NMRK2: variants seen among roughly 807,000 people sequenced by gnomAD.
NMRK2 encodes NRK 2.
Under a neutral mutation model 24.7 loss-of-function variants are expected in NMRK2, and 34 were observed. The observed-to-expected ratio is 1.37, with a 90% CI of 1.05 to 1.83. The LOEUF is 1.83. Among genes scored for constraint, NMRK2 ranks in the 40% most tolerant of loss-of-function variants. NMRK2 has a pLI of 0.00. For missense variants in NMRK2, 341 were observed against 315.0 expected, an observed-to-expected ratio of 1.08 and a Z score of -0.62; for synonymous variants, 145 against 125.6, an observed-to-expected ratio of 1.15 and a Z score of -1.03.
chr19:3,941,615 G>A (rs755486653), intron 7 of NMRK2, among the ~76,000 whole-genome samples: 10 of 151,484 alleles, frequency 6.6e-5, no homozygotes, highest in Admixed American at 2.0e-4. Context: ...ACATTCCTCC[G>A]TGAGCCTCGC....
In NMRK2 at chr19:3,933,539, C is replaced by G; in HGVS notation, c.-133C>G. On this transcript the variant is annotated 5_prime_UTR_variant, in exon 2 of 8. Coordinates refer to ENST00000168977, the MANE Select transcript of NMRK2 (RefSeq NM_170678.3). ...CCAGGGGCCGCCTCCCCCGGGGCGG[C>G]CTCCAGGCTGCCGAGACCTATAAAG... 1 of 1,064,340 alleles carries G rather than the reference C, an allele frequency of 9.4e-7. No homozygotes were observed. Among genetic ancestry groups the G allele is most frequent in the Non-Finnish European group, 1.3e-6 (1 of 773,246 alleles). 65.9% of individuals were successfully genotyped at this position (1,064,340 alleles called of 1,614,324 possible). A position where few individuals can be genotyped will look rare whatever the true frequency, so the allele number is the denominator to read the frequency against.
intron 4 of NMRK2, among the ~76,000 whole-genome samples, chr19:3,938,236 T>C (rs1488921747): frequency 8.7e-6 from 1 of 115,522 alleles, no homozygotes. Flanking sequence ...CCCCGTCCAC[T>C]GTCCCCCCGG....
chr19:3,933,739 G>GC (rs1172095122), intron 2 of NMRK2, 42 bp downstream of exon 2: 1 of 1,385,514 alleles, frequency 7.2e-7, no homozygotes, highest in Non-Finnish European at 9.3e-7. Context: ...GCGGGGCAAA[G>GC]CCCCCTGTGC....
At chr19:3,934,328 C>T (rs1457170623) in intron 2 of NMRK2, among the ~76,000 whole-genome samples, 2 of 152,042 alleles carry the variant, frequency 1.3e-5, no homozygotes, top group Admixed American at 6.6e-5. Context: ...CTGGCTAAAT[C>T]GGGGACTGAC....
intron 2 of NMRK2, among the ~76,000 whole-genome samples, 188 bp downstream of exon 2, chr19:3,933,885 G>A (rs985841730): frequency 6.6e-6 from 1 of 152,108 alleles, no homozygotes; most frequent in Non-Finnish European, 1.5e-5. Flanking sequence ...AGGGGGGCTG[G>A]ACACTGAGCC....
Position 3,938,710 on chromosome 19 carries a change from TC to T in NMRK2, c.275del (p.Ser92TrpfsTer29). The T allele has an allele frequency of 6.2e-7, 1 of 1,612,042 alleles. No individual in the cohort carries two copies. The highest frequency in any genetic ancestry group is 1.1e-5 in the South Asian group (1 of 90,896). On this transcript the variant is annotated frameshift_variant, in exon 5 of 8. Coordinates refer to ENST00000168977, the MANE Select transcript of NMRK2 (RefSeq NM_170678.3). LOFTEE classifies it high-confidence loss of function. Reference sequence around the variant, plus strand: ...CGGGGTCAGCGTCCAGCCAGAGGCCTCGGACACCCACATCCTCCTCCTGGAA... The same window carrying T: ...CGGGGTCAGCGTCCAGCCAGAGGCCTGGACACCCACATCCTCCTCCTGGAA... Reference protein sequence around the residue: ...AHGVSVQPEASDTHILLLEGF... With the variant: ...AHGVSVQPEAXDTHILLLEGF...
At chr19:3,940,170 A>T (rs1303319616) in intron 6 of NMRK2, among the ~76,000 whole-genome samples, 199 bp downstream of exon 6, 1 of 151,484 alleles carries the variant, frequency 6.6e-6, no homozygotes, top group Non-Finnish European at 1.5e-5. Context: ...AACATGGTGA[A>T]ACCCCGTCTC....
At chr19:3,937,876 C>T (rs1218507686) in intron 4 of NMRK2, among the ~76,000 whole-genome samples, 1 of 109,264 alleles carries the variant, frequency 9.2e-6, no homozygotes, top group Non-Finnish European at 1.9e-5. Context: ...ACTGTTCCCC[C>T]GGGGTCCACC....
At chr19:3,941,977 G>A (rs771079641) in intron 7 of NMRK2, 106 bp from the exon 8 acceptor site, 2 of 886,324 alleles carry the variant, frequency 2.3e-6, no homozygotes, top group Non-Finnish European at 1.8e-6. Context: ...GACTCCAGCA[G>A]CCCGACTCTG....
chr19:3,940,206 G>A (rs1216981252), intron 6 of NMRK2, among the ~76,000 whole-genome samples: 1 of 150,466 alleles, frequency 6.6e-6, no homozygotes, highest in Non-Finnish European at 1.5e-5. Flanking sequence ...AATTAGTCGG[G>A]CGTAGTGGCG....
intron 2 of NMRK2, among the ~76,000 whole-genome samples, chr19:3,935,812 C>G (rs2039202970): frequency 6.6e-6 from 1 of 152,028 alleles, no homozygotes. Context: ...CTCAAGCGAT[C>G]CACCTGCTTC....
rs2039152793 is a variant in NMRK2, at chr19:3,933,566, C to T, written c.-106C>T. ...TCCAGGCTGCCGAGACCTATAAAGG[C>T]GCCAGGTTTTCTCAATGAAGCCGGG... On this transcript the variant is annotated 5_prime_UTR_variant, in exon 2 of 8. Coordinates refer to ENST00000168977, the MANE Select transcript of NMRK2 (RefSeq NM_170678.3). The T allele has an allele frequency of 7.3e-7, 1 of 1,379,112 alleles. No individual in the cohort carries two copies. The highest frequency in any genetic ancestry group is 9.7e-7 in the Non-Finnish European group (1 of 1,026,600). The allele number at this position is 1,379,112 out of a possible 1,614,324, so 85.4% of individuals were successfully genotyped here.
chr19:3,937,153 C>A, intron 3 of NMRK2, 87 bp from the exon 4 acceptor site: 4 of 1,371,546 alleles, frequency 2.9e-6, no homozygotes, highest in Non-Finnish European at 4.1e-6. Flanking sequence ...GCAGCTCCAG[C>A]AAGGGACCCC....
intron 2 of NMRK2, among the ~76,000 whole-genome samples, chr19:3,934,677 G>A (rs1349189492): frequency 1.3e-5 from 2 of 151,880 alleles, no homozygotes; most frequent in South Asian, 2.1e-4. Flanking sequence ...CGCCTCCCGG[G>A]TTCAAGCAAT....
chr19:3,941,095 TC>T lies in NMRK2; in HGVS notation c.426del (p.Gly143AlafsTer31). ...GTACCCGCAACTACACAGTCCCTGA[TC>T]CCCCCGGCCTCTTCGATGGCCACGT... Reference protein sequence around the residue: ...RSTRNYTVPDPPGLFDGHVWP... With the variant: ...RSTRNYTVPDXPGLFDGHVWP... On this transcript the variant is annotated frameshift_variant, in exon 7 of 8. Coordinates refer to ENST00000168977, the MANE Select transcript of NMRK2 (RefSeq NM_170678.3). LOFTEE classifies it high-confidence loss of function. 6.2e-7 allele frequency: 1 copy of T among 1,606,154 alleles called. No individual in the cohort carries two copies. Among genetic ancestry groups the T allele is most frequent in the Non-Finnish European group, 8.5e-7 (1 of 1,174,958 alleles).
In NMRK2 at chr19:3,938,835, T is replaced by G. The variant is rs533181448; in HGVS notation, c.323+76T>G. 4,764 of 572,326 alleles carry G rather than the reference T, an allele frequency of 8.3e-3. 135 individuals are homozygous for G. The highest frequency in any genetic ancestry group is 0.037 in the East Asian group (478 of 12,896). 35.5% of individuals were successfully genotyped at this position (572,326 alleles called of 1,614,324 possible). On this transcript the variant is annotated intron_variant, in intron 5 of 7. Transcript: ENST00000168977. The stretch of plus-strand genomic sequence containing the variant: ...TAGCCATCTCTTGTTTTTTTTTTTT[T>G]TTTTTTTTGTTTTGTTTTTTTTTTT...
intron 2 of NMRK2, among the ~76,000 whole-genome samples, chr19:3,934,564 T>TG (rs2039178852): frequency 5.1e-5 from 6 of 117,606 alleles, no homozygotes; most frequent in Non-Finnish European, 7.2e-5. Flanking sequence ...GTTTTTTTTT[T>TG]TGGGGGGGGG....
In NMRK2 at chr19:3,941,125, G is replaced by A. The variant is rs774554563; in HGVS notation, c.450G>A (p.Trp150Ter). ...CCGGCCTCTTCGATGGCCACGTGTG[G>A]CCCATGTACCAGAAGTATAGGCAGG... is the stretch of plus-strand genomic sequence containing the variant. ...DPPGLFDGHV[W>*]PMYQKYRQEM... The change falls in exon 7 of 8, where the codon TGG becomes TGA. Residue 150 changes from tryptophan (W) to a stop codon, truncating the protein, a stop_gained. Coordinates refer to ENST00000168977, the MANE Select transcript of NMRK2 (RefSeq NM_170678.3). LOFTEE classifies it high-confidence loss of function. 1.1e-5 allele frequency: 18 copies of A among 1,593,790 alleles called. No homozygotes were observed. Among genetic ancestry groups the A allele is most frequent in the Middle Eastern group, 3.3e-4 (2 of 5,982 alleles).
chr19:3,935,898 C>T (rs1367573037), intron 2 of NMRK2, among the ~76,000 whole-genome samples: 2 of 151,320 alleles, frequency 1.3e-5, no homozygotes, highest in East Asian at 2.0e-4. Flanking sequence ...TTAAGCCCTG[C>T]TGAGACTAAA....
Sources: gnomAD v4.1 joint callset for allele counts (sites outside exome capture counted in the v4.1 genomes callset) on GRCh38, gnomAD v4.1.1 for gene constraint, MANE v1.5 for transcripts, NCBI Gene and HGNC (gene_info 2026-07-23, HGNC 2026-07-21) for gene names.